The following PRB2 variants were observed in gnomAD, a reference collection of about 807,000 sequenced individuals.
PRB2 encodes the protein proline rich protein BstNI subfamily 2, also known as basic salivary proline-rich protein 2.
Under a neutral mutation model 8.3 loss-of-function variants are expected in PRB2, and 12 were observed. The observed-to-expected ratio is 1.45, with a 90% CI of 0.93 to 2.35. The LOEUF is 2.35. Among genes scored for constraint, PRB2 ranks in the 30% most tolerant of loss-of-function variants. The pLI is 0.00. For missense variants in PRB2, 470 were observed against 507.0 expected (o/e 0.93, Z 0.70); for synonymous variants, 146 against 180.0 (o/e 0.81, Z 1.51).
chr12:11,393,053 G>A lies in PRB2; in HGVS notation c.1025C>T (p.Pro342Leu), dbSNP rs1178457272. ...TGGGGGTGGTCCTTGTGGCTTTCCTGGAGGTGGGGGACCTTGAGGTTTGTT... is the reference window on the plus strand; with the variant it reads ...TGGGGGTGGTCCTTGTGGCTTTCCTAGAGGTGGGGGACCTTGAGGTTTGTT... ...GGNKPQGPPP[P>L]GKPQGPPPQG... Residue 342 changes from proline to leucine, a missense_variant, in exon 3 of 4, where the codon CCA (proline) becomes CTA (leucine). Coordinates refer to ENST00000389362, the MANE Select transcript of PRB2 (RefSeq NM_006248.4). 6.2e-7 allele frequency: 1 copy of A among 1,602,482 alleles called. No homozygotes were observed. Among genetic ancestry groups the A allele is most frequent in the South Asian group, 1.1e-5 (1 of 90,042 alleles).
intron 2 of PRB2, 100 bp downstream of exon 2, chr12:11,394,394 AT>A: frequency 7.1e-7 from 1 of 1,412,988 alleles, no homozygotes; most frequent in Non-Finnish European, 1.0e-6. Context: ...ACATTAATCA[AT>A]TCCCGAAAGG....
rs772566628 is a variant in PRB2, at chr12:11,393,588, G to A, written c.490C>T (p.Pro164Ser). Residue 164 changes from proline to serine, a missense_variant, in exon 3 of 4, where the codon CCA becomes TCA. Around this residue, in one of 4 missense-constraint regions of PRB2, gnomAD observed 211 missense variants for 207.7 expected, o/e 1.02. Coordinates refer to ENST00000389362, the MANE Select transcript of PRB2 (RefSeq NM_006248.4). ...CTTCGGGACTTGTTGTCTCCTTGTG[G>A]GGGTGGTCCTTGTGGCTTTCCTGGA... The part of the protein sequence containing the change: ...PPPGKPQGPP[P>S]QGDNKSRSSR... 1.9e-6 allele frequency: 3 copies of A among 1,591,438 alleles called. No homozygotes were observed. Among genetic ancestry groups the A allele is most frequent in the Non-Finnish European group, 2.6e-6 (3 of 1,170,214 alleles).
intron 2 of PRB2, 66 bp downstream of exon 2, chr12:11,394,429 G>C: frequency 1.3e-6 from 2 of 1,551,608 alleles, no homozygotes; most frequent in Middle Eastern, 3.4e-4. Context: ...GAAGACACTG[G>C]AGAACTGATC....
chr12:11,394,637 C>T (rs1419206354), intron 1 of PRB2, 107 bp from the exon 2 acceptor site: 2 of 1,374,726 alleles, frequency 1.5e-6, no homozygotes, highest in Non-Finnish European at 2.1e-6. Context: ...CATGCATCCC[C>T]TAAGTTAACT....
chr12:11,394,492 T>C lies in PRB2; in HGVS notation c.100+3A>G, dbSNP rs377684271. 2.9e-5 allele frequency: 47 copies of C among 1,612,774 alleles called. 1 individual carries two copies. The highest frequency in any genetic ancestry group is 3.9e-5 in the Non-Finnish European group (46 of 1,178,872). ...AACAGATTGAGAATGAATCGGGATT[T>C]ACCTGCTATTAGGGAGGGAGATTCT... On this transcript the variant is annotated splice_donor_region_variant and intron_variant, in intron 2 of 3. Coordinates refer to ENST00000389362, the MANE Select transcript of PRB2 (RefSeq NM_006248.4).
chr12:11,393,317 T>A lies in PRB2; in HGVS notation c.761A>T (p.Gln254Leu). ...CTTTCCTGGAGGAGGTGGGGGACCT[T>A]GGGGCTGGTTGCCTCCTTGTGGGGG... ...GPPPQGGNQP[Q>L]GPPPPPGKPQ... The change falls in exon 3 of 4, where the codon CAA becomes CTA. Residue 254 changes from glutamine (Q) to leucine (L), a missense_variant. Around this residue, in one of 4 missense-constraint regions of PRB2, gnomAD observed 205 missense variants for 195.0 expected, o/e 1.05. Transcript: ENST00000389362. 1 of 1,484,256 alleles carries A rather than the reference T, an allele frequency of 6.7e-7. No individual in the cohort carries two copies. The highest frequency in any genetic ancestry group is 8.9e-7 in the Non-Finnish European group (1 of 1,118,920). 91.9% of individuals were successfully genotyped at this position (1,484,256 alleles called of 1,614,324 possible).
Position 11,391,561 on chromosome 12 carries a change from G to A in PRB2, c.*121C>T. The A allele has an allele frequency of 5.2e-6, 2 of 385,498 alleles. No individual in the cohort carries two copies. The highest frequency in any genetic ancestry group is 1.9e-5 in the South Asian group (1 of 52,712). The allele number at this position is 385,498 out of a possible 1,614,324, so 23.9% of individuals were successfully genotyped here. On this transcript the variant is annotated 3_prime_UTR_variant, in exon 4 of 4. Coordinates refer to ENST00000389362, the MANE Select transcript of PRB2 (RefSeq NM_006248.4). ...GAAATTGCAAGCTAATTATTTTATTGGTATACAGAAGTTAGAGCTATGATG... is the reference window on the plus strand; with the variant it reads ...GAAATTGCAAGCTAATTATTTTATTAGTATACAGAAGTTAGAGCTATGATG...
chr12:11,395,407 C>T (rs138516983), intron 1 of PRB2, 59 bp downstream of exon 1: 1 of 1,604,644 alleles, frequency 6.2e-7, no homozygotes, highest in Non-Finnish European at 8.5e-7. Context: ...CCGTAATTAC[C>T]ATTATCACCT....
chr12:11,393,897 G>T lies in PRB2; in HGVS notation c.181C>A (p.Pro61Thr), dbSNP rs1467623006. The T allele has an allele frequency of 1.3e-6, 2 of 1,496,484 alleles. No individual in the cohort carries two copies. The highest frequency in any genetic ancestry group is 1.8e-6 in the Non-Finnish European group (2 of 1,110,066). The allele number at this position is 1,496,484 out of a possible 1,614,324, so 92.7% of individuals were successfully genotyped here. The change falls in exon 3 of 4, where the codon CCC becomes ACC. Residue 61 changes from proline (P) to threonine (T), a missense_variant. Pro to Thr is a conservative substitution (Grantham distance 38). Transcript: ENST00000389362. ...PSPPGKPQGP[P>T]PQGGNQPQGP... is the part of the protein sequence containing the mutation. ...TGAGGCTGGTTGCCTCCTTGTGGGG[G>T]TGGTCCTTGTGGCTTTCCTGGAGGA... is the stretch of plus-strand genomic sequence containing the variant.
In PRB2 at chr12:11,393,568, G is replaced by C. The variant is rs781584496; in HGVS notation, c.510C>G (p.Ser170=). 6 of 1,594,550 alleles carry C rather than the reference G, an allele frequency of 3.8e-6. No homozygotes were observed. The highest frequency in any genetic ancestry group is 5.1e-6 in the Non-Finnish European group (6 of 1,172,252). The change falls in exon 3 of 4, where the codon TCC becomes TCG. Residue 170 remains serine, a synonymous_variant. Coordinates refer to ENST00000389362, the MANE Select transcript of PRB2 (RefSeq NM_006248.4). ...TTCCTGGAGGAGATCGAGAACTTCG[G>C]GACTTGTTGTCTCCTTGTGGGGGTG... ...QGPPPQGDNK[S]RSSRSPPGKP...
At chr12:11,392,700 A>G in intron 3 of PRB2, 94 bp downstream of exon 3, 1 of 674,370 alleles carries the variant, frequency 1.5e-6, no homozygotes, top group Non-Finnish European at 2.2e-6. Flanking sequence ...GGGACTATAC[A>G]ATGCCAATGG....
chr12:11,394,472 A>G (rs1355164875), intron 2 of PRB2, 23 bp downstream of exon 2: 1 of 1,610,782 alleles, frequency 6.2e-7, no homozygotes, highest in Admixed American at 1.7e-5. Context: ...GTCAGAACAG[A>G]TTGAGAATGA....
intron 1 of PRB2, among the ~76,000 whole-genome samples, chr12:11,395,020 A>G (rs564967525): frequency 1.3e-5 from 2 of 152,266 alleles, no homozygotes; most frequent in African/African-American, 4.8e-5. Context: ...CTAGTTAAAC[A>G]GAGACAAGTG....
In PRB2 at chr12:11,393,634, G is replaced by C. The variant is rs770714868; in HGVS notation, c.444C>G (p.Asn148Lys). The C allele has an allele frequency of 1.2e-5, 18 of 1,533,418 alleles. No homozygotes were observed. Among genetic ancestry groups the C allele is most frequent in the Non-Finnish European group, 1.6e-5 (18 of 1,145,878 alleles). 95.0% of individuals were successfully genotyped at this position (1,533,418 alleles called of 1,614,324 possible). A position where few individuals can be genotyped will look rare whatever the true frequency, so the allele number is the denominator to read the frequency against. Residue 148 changes from asparagine (N) to lysine (K), a missense_variant, in exon 3 of 4, where the codon AAC becomes AAG. Transcript: ENST00000389362. ...KPQGPPPQGGNKPQGPPPPGK... is the reference protein window; with the variant it reads ...KPQGPPPQGGKKPQGPPPPGK... ...CTGGAGGTGGGGGACCTTGAGGTTT[G>C]TTGCCTCCTTGTGGGGGTGGTCCTT...
At position 11,394,504 on chromosome 12, in the gene PRB2, G is replaced by A. The variant is rs1307894471; in HGVS notation, c.91C>T (p.Leu31=). Reference sequence around the variant, plus strand: ...ATGAATCGGGATTTACCTGCTATTAGGGAGGGAGATTCTTCCTGGCTGACA... The same window carrying A: ...ATGAATCGGGATTTACCTGCTATTAAGGAGGGAGATTCTTCCTGGCTGACA... ...EDVSQEESPS[L]IAGNPQGAPP... Residue 31 remains leucine, a synonymous_variant, in exon 2 of 4, where the codon CTA becomes TTA. Coordinates refer to ENST00000389362, the MANE Select transcript of PRB2 (RefSeq NM_006248.4). 2.5e-6 allele frequency: 4 copies of A among 1,613,428 alleles called. No homozygotes were observed. Among genetic ancestry groups the A allele is most frequent in the Non-Finnish European group, 3.4e-6 (4 of 1,179,364 alleles).
chr12:11,395,369 C>T, intron 1 of PRB2, 97 bp downstream of exon 1: 1 of 1,490,836 alleles, frequency 6.7e-7, no homozygotes, highest in Non-Finnish European at 9.4e-7. Flanking sequence ...TCTGCAGCCC[C>T]ATCTGTGTTT....
At position 11,391,705 on chromosome 12, in the gene PRB2, G is replaced by A. The variant is rs1023205692; in HGVS notation, c.*34-57C>T. Reference sequence around the variant, plus strand: ...CAGACTTGACATGGCAGGAAATGTCGAATTCCTCACTGGTCTTACTGCACT... The same window carrying A: ...CAGACTTGACATGGCAGGAAATGTCAAATTCCTCACTGGTCTTACTGCACT... On this transcript the variant is annotated intron_variant, in intron 3 of 3. Transcript: ENST00000389362. The A allele has an allele frequency of 6.9e-5, 28 of 407,862 alleles. 1 individual carries two copies. The highest frequency in any genetic ancestry group is 4.1e-4 in the African/African-American group (19 of 45,834). 25.3% of individuals were successfully genotyped at this position (407,862 alleles called of 1,614,324 possible).
In PRB2 at chr12:11,393,723, G is replaced by C. The variant is rs754237471; in HGVS notation, c.355C>G (p.Gln119Glu). 6.3e-7 allele frequency: 1 copy of C among 1,599,514 alleles called. No homozygotes were observed. The highest frequency in any genetic ancestry group is 8.5e-7 in the Non-Finnish European group (1 of 1,172,254). Reference sequence around the variant, plus strand: ...TTGCCTCCTTGTGGGGGTGGTCCTTGTGGCTTTCCTGGAGGAGATCGGGGA... The same window carrying C: ...TTGCCTCCTTGTGGGGGTGGTCCTTCTGGCTTTCCTGGAGGAGATCGGGGA... ...RSPRSPPGKP[Q>E]GPPPQGGNQP... The change falls in exon 3 of 4, where the codon CAA becomes GAA. Residue 119 changes from glutamine (Q) to glutamate (E), a missense_variant. Physicochemically the swap from Gln to Glu is conservative, Grantham distance 29. Coordinates refer to ENST00000389362, the MANE Select transcript of PRB2 (RefSeq NM_006248.4).
At chr12:11,391,919 A>G (rs1864331069) in intron 3 of PRB2, among the ~76,000 whole-genome samples, 1 of 118,976 alleles carries the variant, frequency 8.4e-6, no homozygotes, top group Non-Finnish European at 1.7e-5. Flanking sequence ...TCACAGATAT[A>G]TTTACACAGA....
Sources: gnomAD v4.1 joint callset for allele counts (sites outside exome capture counted in the v4.1 genomes callset) on GRCh38, gnomAD v4.1.1 for gene constraint, gnomAD v4.1.1 regional missense constraint, MANE v1.5 for transcripts, NCBI Gene and HGNC (gene_info 2026-07-23, HGNC 2026-07-21) for gene names.